ZBTB48: variants seen among roughly 807,000 people sequenced by gnomAD.
ZBTB48 encodes the protein zinc finger and BTB domain-containing protein 48.
In ZBTB48, 35 loss-of-function variants were observed where a neutral mutation model predicts 64.5. The observed-to-expected ratio is 0.54, with a 90% CI of 0.41 to 0.72. ZBTB48 has a LOEUF of 0.72. Ranked by LOEUF, ZBTB48 falls within the 30% of genes least tolerant of loss-of-function variation. ZBTB48 has a pLI of 0.00. For synonymous variants in ZBTB48, 442 were observed against 356.7 expected (o/e 1.24, Z -2.70); for missense variants, 828 against 895.3 (o/e 0.92, Z 0.96).
At chr1:6,586,300 G>A (rs1640664016) in intron 4 of ZBTB48, 1 of 528,090 alleles carries the variant, frequency 1.9e-6, no homozygotes, top group East Asian at 3.1e-5. Context: ...CTTGGCTTTG[G>A]AGAAGGGGAG....
Position 6,580,024 on chromosome 1 carries a change from G to T in ZBTB48, c.-182G>T, listed in dbSNP as rs919665125. 13 of 204,720 alleles carry T rather than the reference G, an allele frequency of 6.4e-5. No homozygotes were observed. Among genetic ancestry groups the T allele is most frequent in the Non-Finnish European group, 6.0e-5 (6 of 99,230 alleles). The allele number at this position is 204,720 out of a possible 1,614,324, so 12.7% of individuals were successfully genotyped here. ...TTGACGTCACGTCCGGCGCGGAGACGGTGGAGTCTCCGCACTGTCGGCGGG... is the reference window on the plus strand; with the variant it reads ...TTGACGTCACGTCCGGCGCGGAGACTGTGGAGTCTCCGCACTGTCGGCGGG... On this transcript the variant is annotated 5_prime_UTR_variant, in exon 1 of 11. Coordinates refer to ENST00000377674, the MANE Select transcript of ZBTB48 (RefSeq NM_005341.4). The surrounding 1 kb of genome is among the most constrained non-coding windows in gnomAD (Gnocchi z 5.2).
In ZBTB48 at chr1:6,589,000, G is replaced by A. The variant is rs756563205; in HGVS notation, c.1855G>A (p.Glu619Lys). The change falls in exon 11 of 11, where the codon GAG becomes AAG. Residue 619 changes from glutamate (E) to lysine (K), a missense_variant. Physicochemically the swap from Glu to Lys is moderately conservative, Grantham distance 56. Transcript: ENST00000377674. ...GCGCAAGCTCCGCAACCTGATCATC[G>A]AGGACGAGAAGATGGTGGTGGTGGC... ...RQRKLRNLII[E>K]DEKMVVVALQ... 4.4e-6 allele frequency: 7 copies of A among 1,597,048 alleles called. No individual in the cohort carries two copies. Among genetic ancestry groups the A allele is most frequent in the East Asian group, 4.5e-5 (2 of 44,668 alleles).
chr1:6,586,758 G>A lies in ZBTB48; in HGVS notation c.1108G>A (p.Val370Met). 6.2e-7 allele frequency: 1 copy of A among 1,601,610 alleles called. No homozygotes were observed. The highest frequency in any genetic ancestry group is 8.5e-7 in the Non-Finnish European group (1 of 1,172,636). ...RRRMELRVHM[V>M]SHTGEMPYKC... ...AAGGATGGAGCTGCGGGTGCACATG[G>A]TGTCTCACACAGGGGAGATGCCCTA... Residue 370 changes from valine to methionine, a missense_variant, in exon 5 of 11, where the codon GTG becomes ATG. Coordinates refer to ENST00000377674, the MANE Select transcript of ZBTB48 (RefSeq NM_005341.4).
intron 3 of ZBTB48, among the ~76,000 whole-genome samples, chr1:6,583,985 T>C (rs757086376): frequency 1.7e-4 from 26 of 152,068 alleles, no homozygotes; most frequent in Admixed American, 1.0e-3. Context: ...GGTTTCAGCA[T>C]GTTGGTCAGG....
intron 4 of ZBTB48, 126 bp from the exon 5 acceptor site, chr1:6,586,569 C>A: frequency 7.2e-7 from 1 of 1,388,590 alleles, no homozygotes; most frequent in Non-Finnish European, 9.4e-7. Context: ...TGCCCTCTCC[C>A]ACCCTAGCGT....
chr1:6,582,086 A>G lies in ZBTB48; in HGVS notation c.719A>G (p.Asp240Gly). ...EWEVVVQVEDDGDGDYMSEPE... is the reference protein window; with the variant it reads ...EWEVVVQVEDGGDGDYMSEPE... ...GAAGTGGTGGTTCAAGTGGAGGATG[A>G]TGGGGATGGCGATTACATGTCTGAG... The change falls in exon 3 of 11, where the codon GAT becomes GGT. Residue 240 changes from aspartate to glycine, a missense_variant. Physicochemically the swap from Asp to Gly is moderately conservative, Grantham distance 94. Coordinates refer to ENST00000377674, the MANE Select transcript of ZBTB48 (RefSeq NM_005341.4). 2.5e-6 allele frequency: 4 copies of G among 1,614,108 alleles called. No individual in the cohort carries two copies. Among genetic ancestry groups the G allele is most frequent in the Non-Finnish European group, 3.4e-6 (4 of 1,180,012 alleles).
intron 3 of ZBTB48, among the ~76,000 whole-genome samples, chr1:6,582,957 A>G (rs1216975961): frequency 6.6e-6 from 1 of 152,212 alleles, no homozygotes; most frequent in Non-Finnish European, 1.5e-5. Flanking sequence ...GGTGTGAGCC[A>G]CCATGCCCAG....
chr1:6,583,661 C>T (rs1329600513), intron 3 of ZBTB48, among the ~76,000 whole-genome samples: 3 of 150,208 alleles, frequency 2.0e-5, no homozygotes, highest in African/African-American at 7.4e-5. Context: ...AGTGCAGTGG[C>T]ATGATCTTGG....
chr1:6,583,944 T>C (rs1001371752), intron 3 of ZBTB48, among the ~76,000 whole-genome samples: 2 of 151,970 alleles, frequency 1.3e-5, no homozygotes, highest in African/African-American at 4.8e-5. Context: ...CACACCTGGC[T>C]AATTTTTTTG....
Position 6,589,280 on chromosome 1 carries a change from A to C in ZBTB48, c.*68A>C. On this transcript the variant is annotated 3_prime_UTR_variant, in exon 11 of 11. Transcript: ENST00000377674. ...AAACCGTGTGGCTTTGGACTCTCGTATTTCAGCCTGACAGTCTGTTCCCGT... is the reference window on the plus strand; with the variant it reads ...AAACCGTGTGGCTTTGGACTCTCGTCTTTCAGCCTGACAGTCTGTTCCCGT... 3 of 1,454,874 alleles carry C rather than the reference A, an allele frequency of 2.1e-6. No individual in the cohort carries two copies. The highest frequency in any genetic ancestry group is 1.8e-6 in the Non-Finnish European group (2 of 1,109,658). The allele number at this position is 1,454,874 out of a possible 1,614,324, so 90.1% of individuals were successfully genotyped here.
In ZBTB48 at chr1:6,580,409, C is replaced by T. The variant is rs77872347; in HGVS notation, c.-69-132C>T. 1,743 of 619,488 alleles carry T rather than the reference C, an allele frequency of 2.8e-3. 14 individuals carry two copies. Among genetic ancestry groups the T allele is most frequent in the African/African-American group, 0.025 (1,382 of 54,316 alleles). The allele number at this position is 619,488 out of a possible 1,614,324, so 38.4% of individuals were successfully genotyped here. A position where few individuals can be genotyped will look rare whatever the true frequency, so the allele number is the denominator to read the frequency against. ...CCCCCCTGGCCAATCCAATATGGCC[C>T]CCGGCCCCCGGGAGGCTGTCAGTGT... On this transcript the variant is annotated intron_variant, in intron 1 of 10. Transcript: ENST00000377674. This position sits in a 1 kb window ranked among gnomAD's most constrained non-coding sequence, Gnocchi z 5.2.
chr1:6,580,419 G>A lies in ZBTB48; in HGVS notation c.-69-122G>A. 2 of 561,180 alleles carry A rather than the reference G, an allele frequency of 3.6e-6. No homozygotes were observed. The highest frequency in any genetic ancestry group is 6.0e-6 in the Non-Finnish European group (2 of 331,192). The allele number at this position is 561,180 out of a possible 1,614,324, so 34.8% of individuals were successfully genotyped here. A position where few individuals can be genotyped will look rare whatever the true frequency, so the allele number is the denominator to read the frequency against. ...CAATCCAATATGGCCCCCGGCCCCC[G>A]GGAGGCTGTCAGTGTGTTCCAGCCC... On this transcript the variant is annotated intron_variant, in intron 1 of 10. Transcript: ENST00000377674. The surrounding 1 kb of genome is among the most constrained non-coding windows in gnomAD (Gnocchi z 5.2).
chr1:6,587,481 C>T lies in ZBTB48; in HGVS notation c.1228C>T (p.Pro410Ser). 6.2e-7 allele frequency: 1 copy of T among 1,613,882 alleles called. No individual in the cohort carries two copies. The highest frequency in any genetic ancestry group is 8.5e-7 in the Non-Finnish European group (1 of 1,179,992). ...LHGAPKPHAC[P>S]TCAKCFLSRT... ...TGCCTGCCTGGTCTGCCTGCAGTGCCCCACCTGTGCCAAGTGCTTCCTGTC... is the reference window on the plus strand; with the variant it reads ...TGCCTGCCTGGTCTGCCTGCAGTGCTCCACCTGTGCCAAGTGCTTCCTGTC... The change falls in exon 7 of 11, where the codon CCC (proline) becomes TCC (serine). Residue 410 changes from proline (P) to serine (S), a missense_variant. Coordinates refer to ENST00000377674, the MANE Select transcript of ZBTB48 (RefSeq NM_005341.4).
At position 6,580,256 on chromosome 1, in the gene ZBTB48, C is replaced by T. The variant is rs1307709247; in HGVS notation, c.-70+120C>T. On this transcript the variant is annotated intron_variant, in intron 1 of 10. Transcript: ENST00000377674. The surrounding 1 kb of genome is among the most constrained non-coding windows in gnomAD (Gnocchi z 5.2). Reference sequence around the variant, plus strand: ...TCGCTCACCTGTCCCCGGCTGCCGCCCTCCGCCGTCCGGGATCCTCTCACT... The same window carrying T: ...TCGCTCACCTGTCCCCGGCTGCCGCTCTCCGCCGTCCGGGATCCTCTCACT... The T allele has an allele frequency of 1.3e-5, 3 of 233,102 alleles. No homozygotes were observed. The highest frequency in any genetic ancestry group is 1.0e-4 in the East Asian group (1 of 9,958). 14.4% of individuals were successfully genotyped at this position (233,102 alleles called of 1,614,324 possible).
Position 6,580,643 on chromosome 1 carries a change from G to T in ZBTB48, c.34G>T (p.Val12Phe), listed in dbSNP as rs1640410242. The T allele has an allele frequency of 6.2e-7, 1 of 1,613,872 alleles. No homozygotes were observed. The highest frequency in any genetic ancestry group is 8.5e-7 in the Non-Finnish European group (1 of 1,179,996). The change falls in exon 2 of 11, where the codon GTT becomes TTT. Residue 12 changes from valine to phenylalanine, a missense_variant. Transcript: ENST00000377674. The surrounding 1 kb of genome is among the most constrained non-coding windows in gnomAD (Gnocchi z 5.2). ...DGSFVQHSVR[V>F]LQELNKQREK... ...CTCCTTCGTCCAGCACAGTGTGAGG[G>T]TTCTGCAGGAGCTCAACAAGCAGCG...
At chr1:6,582,678 GTGTGGGCTTTGGGCCAC>G (rs1640514431) in intron 3 of ZBTB48, among the ~76,000 whole-genome samples, 1 of 152,248 alleles carries the variant, frequency 6.6e-6, no homozygotes, top group African/African-American at 2.4e-5. Context: ...AAGCCTGGCA[GTGTGGGCTTTGGGCCAC>G]AGTGCCAAGC....
At chr1:6,581,928 C>G in intron 2 of ZBTB48, 130 bp from the exon 3 acceptor site, 1 of 1,384,762 alleles carries the variant, frequency 7.2e-7, no homozygotes, top group Admixed American at 2.0e-5. Flanking sequence ...GCCTTGGGCC[C>G]CTGAAGGAAC....
intron 3 of ZBTB48, among the ~76,000 whole-genome samples, chr1:6,583,700 A>G (rs1640555962): frequency 6.7e-6 from 1 of 149,634 alleles, no homozygotes; most frequent in South Asian, 2.1e-4. Context: ...TCCCAGGTTT[A>G]AGCGATTCTC....
chr1:6,582,970 C>T (rs1028795030), intron 3 of ZBTB48, among the ~76,000 whole-genome samples: 4 of 142,928 alleles, frequency 2.8e-5, no homozygotes, highest in Non-Finnish European at 6.1e-5. Context: ...ATGCCCAGCC[C>T]CCAGGGGCTA....
Sources: gnomAD v4.1 joint callset for allele counts (sites outside exome capture counted in the v4.1 genomes callset) on GRCh38, gnomAD v4.1.1 for gene constraint, Gnocchi (gnomAD v3.1) non-coding constraint, MANE v1.5 for transcripts, NCBI Gene and HGNC (gene_info 2026-07-23, HGNC 2026-07-21) for gene names.